Variants in TTC27 observed in about 807,000 individuals in gnomAD.
TTC27 encodes tetratricopeptide repeat protein 27.
In TTC27, 79 loss-of-function variants were observed where a neutral mutation model predicts 115.9. The observed-to-expected ratio is 0.68, with a 90% confidence interval of 0.57 to 0.82. The LOEUF is 0.82. TTC27 is among the 40% of genes least tolerant of loss of function. TTC27 has a pLI of 0.00. For synonymous variants in TTC27, 401 were observed against 356.0 expected (o/e 1.13, Z -1.42); for missense variants, 1,054 against 993.1 (o/e 1.06, Z -0.82).
At chr2:32,705,739 A>G (rs1667345962) in intron 10 of TTC27, among the ~76,000 whole-genome samples, 1 of 151,990 alleles carries the variant, frequency 6.6e-6, no homozygotes, top group South Asian at 2.1e-4. Context: ...TTAATTTGTC[A>G]TACGAGGTCT....
At chr2:32,709,087 C>T (rs1261240982) in intron 10 of TTC27, among the ~76,000 whole-genome samples, 1 of 152,062 alleles carries the variant, frequency 6.6e-6, no homozygotes, top group Non-Finnish European at 1.5e-5. Flanking sequence ...TACATGAGTC[C>T]ATATTGTTAT....
At chr2:32,789,921 CAAAAAAA>C (rs34859954) in intron 16 of TTC27, among the ~76,000 whole-genome samples, 7 of 25,938 alleles carry the variant, frequency 2.7e-4, no homozygotes, top group South Asian at 2.1e-3. Context: ...ACCCTGTCTC[CAAAAAAA>C]AAAAAAAAAA....
chr2:32,645,480 C>G (rs1270445214), intron 4 of TTC27, among the ~76,000 whole-genome samples: 1 of 152,146 alleles, frequency 6.6e-6, no homozygotes, highest in Non-Finnish European at 1.5e-5. Flanking sequence ...TAGAAATTAT[C>G]TAAAGCAAGA....
rs556663371 is a variant in TTC27 at position 32,712,287 on chromosome 2, T to G, written c.1233+9367T>G. On this transcript the variant is annotated intron_variant, in intron 10 of 19. Coordinates refer to ENST00000317907, the MANE Select transcript of TTC27 (RefSeq NM_017735.5). ...AGAAGAAACTCCAAGTCGAGGACAA[T>G]CTATTAAAAACACCCTGTCTTCTGA... Among the ~76,000 whole-genome samples, 29 of 152,294 alleles carry G rather than the reference T, an allele frequency of 1.9e-4. 1 individual carries two copies. In the South Asian group the frequency reaches 2.9e-3, roughly 15 times the overall value.
At position 32,755,582 on chromosome 2, in the gene TTC27, G is replaced by T. The variant is rs1669204782; in HGVS notation, c.1453-2710G>T. 3.9e-5 allele frequency among the ~76,000 whole-genome samples: 6 copies of T among 151,934 alleles called. 1 individual carries two copies. In the South Asian group the frequency reaches 1.3e-3, roughly 32 times the overall value. On this transcript the variant is annotated intron_variant, in intron 12 of 19. Transcript: ENST00000317907. Reference sequence around the variant, plus strand: ...TCAGAGGGAGACCTTGGAAAGAGAGGGAGAGGGAGACGGTGGAAAGAGAGG... The same window carrying T: ...TCAGAGGGAGACCTTGGAAAGAGAGTGAGAGGGAGACGGTGGAAAGAGAGG...
At chr2:32,651,808 A>G (rs1306481379) in intron 5 of TTC27, among the ~76,000 whole-genome samples, 1 of 152,232 alleles carries the variant, frequency 6.6e-6, no homozygotes, top group Admixed American at 6.5e-5. Flanking sequence ...CTAATCTTAG[A>G]TAAAATGACC....
intron 18 of TTC27, among the ~76,000 whole-genome samples, chr2:32,816,225 G>A (rs1205104507): frequency 6.6e-6 from 1 of 151,872 alleles, no homozygotes; most frequent in Non-Finnish European, 1.5e-5. Context: ...GCTGAGGTAG[G>A]AGAATCACTT....
intron 12 of TTC27, among the ~76,000 whole-genome samples, chr2:32,755,369 T>C (rs911673225): frequency 2.0e-5 from 3 of 152,172 alleles, no homozygotes; most frequent in African/African-American, 7.2e-5. Flanking sequence ...TCACTCGCGG[T>C]TAGGAGCTGG....
At chr2:32,816,154 A>T (rs1364680638) in intron 18 of TTC27, among the ~76,000 whole-genome samples, 1 of 152,054 alleles carries the variant, frequency 6.6e-6, no homozygotes, top group Non-Finnish European at 1.5e-5. Context: ...CCAAAAAATT[A>T]AAAAATTAAA....
chr2:32,713,075 C>T (rs1036472268), intron 10 of TTC27, among the ~76,000 whole-genome samples: 2 of 152,162 alleles, frequency 1.3e-5, no homozygotes, highest in Admixed American at 6.5e-5. Context: ...CCCTCTCTCT[C>T]TCTTGCTCTC....
chr2:32,807,783 C>T (rs1398146702), intron 16 of TTC27, among the ~76,000 whole-genome samples: 1 of 152,098 alleles, frequency 6.6e-6, no homozygotes, highest in African/African-American at 2.4e-5. Context: ...TTAATGATTG[C>T]CAAATCCAGG....
chr2:32,657,625 T>C (rs1410691275), intron 5 of TTC27, among the ~76,000 whole-genome samples: 1 of 152,124 alleles, frequency 6.6e-6, no homozygotes, highest in African/African-American at 2.4e-5. Flanking sequence ...GTTTCTTAGC[T>C]GTAGGTGTTT....
chr2:32,741,077 A>G (rs78268071), intron 12 of TTC27, among the ~76,000 whole-genome samples: 2,349 of 152,330 alleles, frequency 0.015, 53 homozygotes, highest in African/African-American at 0.054. Context: ...TAATAGCTTG[A>G]ATTAAAGTAC....
intron 16 of TTC27, among the ~76,000 whole-genome samples, chr2:32,791,837 C>T (rs1225287220): frequency 6.6e-6 from 1 of 152,002 alleles, no homozygotes; most frequent in Non-Finnish European, 1.5e-5. Context: ...ATCGTGCCAC[C>T]ACACTCCAGC....
intron 16 of TTC27, among the ~76,000 whole-genome samples, chr2:32,801,621 GCT>G (rs1269369283): frequency 1.3e-5 from 2 of 152,206 alleles, no homozygotes; most frequent in East Asian, 1.9e-4. Flanking sequence ...CAGCTTTTGT[GCT>G]CTGTTTCAGG....
chr2:32,681,984 G>A (rs201476865), intron 9 of TTC27, among the ~76,000 whole-genome samples: 13 of 8,284 alleles, frequency 1.6e-3, no homozygotes, highest in African/African-American at 3.9e-3. Context: ...ATATATATGT[G>A]TGTGTGTGTG....
At position 32,633,950 on chromosome 2, in the gene TTC27, T is replaced by C. The variant is rs201760629; in HGVS notation, c.341T>C (p.Val114Ala). The change falls in exon 3 of 20, where the codon GTT (valine) becomes GCT (alanine). Residue 114 changes from valine (V) to alanine (A), a missense_variant. Physicochemically the swap from Val to Ala is moderately conservative, Grantham distance 64 (BLOSUM62 0). Coordinates refer to ENST00000317907, the MANE Select transcript of TTC27 (RefSeq NM_017735.5). ...FVQSNWTGPP[V>A]DLHPQDFLSS... The stretch of plus-strand genomic sequence containing the variant: ...CAGAGCAACTGGACGGGGCCCCCTG[T>C]TGACTTACACCCTCAGGACTTTTTG... 8.4e-5 allele frequency: 135 copies of C among 1,614,054 alleles called. No homozygotes were observed. The highest frequency in any genetic ancestry group is 4.9e-5 in the Non-Finnish European group (58 of 1,179,964).
chr2:32,666,862 C>A, intron 7 of TTC27, 94 bp downstream of exon 7: 2 of 1,377,534 alleles, frequency 1.5e-6, no homozygotes, highest in Non-Finnish European at 2.0e-6. Flanking sequence ...GGGTTGGGGA[C>A]AGACTTCATT....
chr2:32,715,822 C>T (rs886368142), intron 10 of TTC27, among the ~76,000 whole-genome samples: 4 of 150,596 alleles, frequency 2.7e-5, no homozygotes, highest in East Asian at 1.9e-4. Flanking sequence ...CACTGAGGCT[C>T]GTACTTGTGT....
Sources: gnomAD v4.1 joint callset for allele counts (sites outside exome capture counted in the v4.1 genomes callset) on GRCh38, gnomAD v4.1.1 for gene constraint, MANE v1.5 for transcripts, NCBI Gene and HGNC (gene_info 2026-07-23, HGNC 2026-07-21) for gene names.